DDAH1: variants seen among roughly 807,000 people sequenced by gnomAD.
DDAH1 encodes the protein N(G),N(G)-dimethylarginine dimethylaminohydrolase 1.
In DDAH1, 19 loss-of-function variants were observed where a neutral mutation model predicts 28.8. That is an observed-to-expected ratio of 0.66 (90% CI 0.46 to 0.97). The LOEUF (loss-of-function observed/expected upper bound fraction) is 0.97. Ranked by LOEUF, DDAH1 falls within the 50% of genes least tolerant of loss-of-function variation. The pLI, the probability that DDAH1 is intolerant of heterozygous loss-of-function variation, is 0.00. For missense variants in DDAH1, 326 were observed against 375.9 expected, an observed-to-expected ratio of 0.87 and a Z score of 1.10; for synonymous variants, 153 against 154.4, an observed-to-expected ratio of 0.99 and a Z score of 0.07.
At chr1:85,364,588 C>A (rs572926863) in intron 1 of DDAH1, among the ~76,000 whole-genome samples, 10 of 151,800 alleles carry the variant, frequency 6.6e-5, no homozygotes, top group Admixed American at 5.2e-4. Context: ...ACTCTTTTTG[C>A]CCAGGCTGGA....
rs71075841 is a variant in DDAH1, at chr1:85,507,527, T to TAAATAAATAAATAAATAAATAAACAAAC, written c.-122-11247_-122-11246insGTTTGTTTATTTATTTATTTATTTATTT. ...CACAATAAATAAATAAATAAATAAA[T>TAAATAAATAAATAAATAAATAAACAAAC]AAACAAACAAACAGCATCTCCTAAA... On this transcript the variant is annotated intron_variant, in intron 1 of 6. Coordinates refer to the DDAH1 transcript ENST00000426972. 2.6e-3 allele frequency among the ~76,000 whole-genome samples: 381 copies of TAAATAAATAAATAAATAAATAAACAAAC among 149,346 alleles called. 1 individual carries two copies. The highest frequency in any genetic ancestry group is 8.4e-3 in the South Asian group (39 of 4,634).
At chr1:85,437,089 A>T (rs763885598) in intron 1 of DDAH1, among the ~76,000 whole-genome samples, 3 of 152,074 alleles carry the variant, frequency 2.0e-5, no homozygotes, top group Non-Finnish European at 4.4e-5. Context: ...GAAAAAGACA[A>T]TGCAGCTTCC....
chr1:85,564,937 C>T (rs1333354438), intron 1 of DDAH1, among the ~76,000 whole-genome samples: 1 of 151,974 alleles, frequency 6.6e-6, no homozygotes, highest in Non-Finnish European at 1.5e-5. Flanking sequence ...TGGCTCACGC[C>T]TGTAATTCCA....
At chr1:85,412,802 A>C (rs1342757361) in intron 1 of DDAH1, among the ~76,000 whole-genome samples, 1 of 152,146 alleles carries the variant, frequency 6.6e-6, no homozygotes, top group East Asian at 1.9e-4. Flanking sequence ...GGAGTTCGAG[A>C]CCAGCCTGAG....
At chr1:85,547,150 A>G (rs1291026350) in intron 1 of DDAH1, among the ~76,000 whole-genome samples, 1 of 152,152 alleles carries the variant, frequency 6.6e-6, no homozygotes, top group Admixed American at 6.6e-5. Flanking sequence ...GAGTACTGGA[A>G]CCACCACTCA....
At chr1:85,574,716 G>A (rs902451256) in intron 1 of DDAH1, among the ~76,000 whole-genome samples, 1 of 152,054 alleles carries the variant, frequency 6.6e-6, no homozygotes, top group Admixed American at 6.6e-5. Flanking sequence ...AATAAATCTG[G>A]GATTCAGGGA....
chr1:85,550,002 C>T (rs1658738094), intron 1 of DDAH1, among the ~76,000 whole-genome samples: 1 of 152,108 alleles, frequency 6.6e-6, no homozygotes, highest in Non-Finnish European at 1.5e-5. Context: ...CCAAGGGGCT[C>T]TTTAAAATGG....
chr1:85,547,998 A>T (rs1223040583), intron 1 of DDAH1, among the ~76,000 whole-genome samples: 2 of 152,250 alleles, frequency 1.3e-5, no homozygotes, highest in East Asian at 3.8e-4. Context: ...TATAGTCTGT[A>T]AACCCCAAAT....
chr1:85,320,512 T>G lies in DDAH1; in HGVS notation c.*940A>C, dbSNP rs1164164163. On this transcript the variant is annotated 3_prime_UTR_variant, in exon 6 of 6. Coordinates refer to ENST00000284031, the MANE Select transcript of DDAH1 (RefSeq NM_012137.4). ...CAGGGTAGGTGGAAACAGAAATGAG[T>G]AGAAGGAAAAAAAAAAAAGAGTTCC... The G allele has an allele frequency of 6.9e-6, 1 of 144,696 alleles. No individual in the cohort carries two copies. The highest frequency in any genetic ancestry group is 2.7e-5 in the African/African-American group (1 of 37,734). The allele number at this position is 144,696 out of a possible 1,614,324, so 9.0% of individuals were successfully genotyped here. A position where few individuals can be genotyped will look rare whatever the true frequency, so the allele number is the denominator to read the frequency against.
chr1:85,425,080 TA>T (rs1256703747), intron 1 of DDAH1, among the ~76,000 whole-genome samples: 4 of 152,102 alleles, frequency 2.6e-5, no homozygotes, highest in Non-Finnish European at 5.9e-5. Context: ...CTTTTAAAAT[TA>T]AGCATTTATT....
chr1:85,529,702 G>A (rs1213138331), intron 1 of DDAH1, among the ~76,000 whole-genome samples: 2 of 140,630 alleles, frequency 1.4e-5, no homozygotes, highest in African/African-American at 5.4e-5. Flanking sequence ...GTAGATTGTG[G>A]GTGGCAGAGG....
intron 1 of DDAH1, chr1:85,576,692 C>T (rs1390903690): frequency 1.3e-5 from 2 of 152,570 alleles, no homozygotes; most frequent in Non-Finnish European, 2.9e-5. Flanking sequence ...ACTCGCTGCC[C>T]CGCTGGGAGG....
At chr1:85,531,748 T>C (rs1012785251) in intron 1 of DDAH1, among the ~76,000 whole-genome samples, 1 of 147,272 alleles carries the variant, frequency 6.8e-6, no homozygotes, top group Non-Finnish European at 1.5e-5. Context: ...GTATAATGCT[T>C]ACTGTGAACC....
At chr1:85,466,498 C>T (rs1038463380), upstream of DDAH1, among the ~76,000 whole-genome samples, 2 of 152,234 alleles carry the variant, frequency 1.3e-5, no homozygotes, top group African/African-American at 2.4e-5. Context: ...ATCCACCCGC[C>T]TCCACCTCCC....
intron 1 of DDAH1, among the ~76,000 whole-genome samples, chr1:85,426,734 C>A (rs1364562485): frequency 1.3e-5 from 2 of 150,918 alleles, no homozygotes; most frequent in African/African-American, 2.4e-5. Context: ...ATAGTGAGAC[C>A]CCCATCTCTA....
At chr1:85,415,207 G>A (rs1196325050) in intron 1 of DDAH1, among the ~76,000 whole-genome samples, 3 of 151,632 alleles carry the variant, frequency 2.0e-5, no homozygotes, top group African/African-American at 7.3e-5. Context: ...GTAGAGACAG[G>A]GTTTCACTAT....
At position 85,472,842 on chromosome 1, in the gene DDAH1, T is replaced by C. The variant is rs184841167; in HGVS notation, c.-7+23324A>G. On this transcript the variant is annotated intron_variant, in intron 2 of 6. Coordinates refer to the DDAH1 transcript ENST00000426972. ...TCCAAGTAGTGAACATAGTACCCAA[T>C]AGCAAGTTTTTCAGCCCTTCCCACC... Among the ~76,000 whole-genome samples, 23 of 152,286 alleles carry C rather than the reference T, an allele frequency of 1.5e-4. No homozygotes were observed. The East Asian group carries it at 3.9e-3, about 26-fold the overall frequency.
chr1:85,573,581 C>G (rs1659518009), intron 1 of DDAH1, among the ~76,000 whole-genome samples: 1 of 152,110 alleles, frequency 6.6e-6, no homozygotes. Context: ...TGGATAGATG[C>G]CAAGTGGAGA....
chr1:85,469,454 G>A (rs1655540197), upstream of DDAH1, among the ~76,000 whole-genome samples: 2 of 152,338 alleles, frequency 1.3e-5, no homozygotes, highest in East Asian at 1.9e-4. Context: ...TAAATGCGGA[G>A]CAATGAACAC....
Sources: allele counts gnomAD v4.1 joint callset (sites outside exome capture counted in the v4.1 genomes callset), GRCh38; gene constraint gnomAD v4.1.1; transcripts MANE v1.5; gene names NCBI Gene and HGNC (gene_info 2026-07-23, HGNC 2026-07-21).